The following DENND5B variants were observed in gnomAD, a reference collection of about 807,000 sequenced individuals.
The protein encoded by DENND5B is DENN domain-containing protein 5B.
A neutral mutation model predicts 140.6 loss-of-function variants in DENND5B; 34 were observed. The observed-to-expected ratio is 0.24, with a 90% CI of 0.18 to 0.32. The LOEUF is 0.32. DENND5B is among the 10% of genes least tolerant of loss of function. The pLI is 1.00. For synonymous variants in DENND5B, 551 were observed against 562.1 expected (o/e 0.98, Z 0.28); for missense variants, 1,142 against 1,560.2 (o/e 0.73, Z 4.52).
intron 1 of DENND5B, among the ~76,000 whole-genome samples, chr12:31,544,008 A>G (rs1020940955): frequency 3.9e-5 from 6 of 152,170 alleles, no homozygotes; most frequent in African/African-American, 1.4e-4. Flanking sequence ...TACTAAAAAT[A>G]CAAAAACTAG....
chr12:31,487,703 AAAAC>A (rs772663164), intron 2 of DENND5B, among the ~76,000 whole-genome samples: 53 of 152,302 alleles, frequency 3.5e-4, no homozygotes, highest in Middle Eastern at 3.4e-3. Context: ...CTGTCTCAAA[AAAAC>A]AAACAAACAA....
At chr12:31,453,960 G>A (rs1424140398) in intron 4 of DENND5B, among the ~76,000 whole-genome samples, 1 of 151,896 alleles carries the variant, frequency 6.6e-6, no homozygotes, top group Non-Finnish European at 1.5e-5. Flanking sequence ...TGGCCAACAT[G>A]GTGAAACTCT....
chr12:31,483,851 TTTTC>T lies in DENND5B; in HGVS notation c.238-3600_238-3597del, dbSNP rs1946178992. On this transcript the variant is annotated intron_variant, in intron 2 of 20. Coordinates refer to ENST00000389082, the MANE Select transcript of DENND5B (RefSeq NM_144973.4). ...TAGACAAAAAAGCAAATTAGAGCAG[TTTTC>T]TTTTCTTTTCTTTTTTTTTTTTTTT... is the stretch of plus-strand genomic sequence containing the variant. Among the ~76,000 whole-genome samples, 3 of 149,124 alleles carry T rather than the reference TTTTC, an allele frequency of 2.0e-5. No individual in the cohort carries two copies. The East Asian group carries it at 5.8e-4, about 29-fold the overall frequency.
chr12:31,473,521 G>A lies in DENND5B; in HGVS notation c.904+6068C>T, dbSNP rs1027501375. Among the ~76,000 whole-genome samples, 7 of 152,044 alleles carry A rather than the reference G, an allele frequency of 4.6e-5. No homozygotes were observed. In the South Asian group the frequency reaches 6.2e-4, roughly 14 times the overall value. On this transcript the variant is annotated intron_variant, in intron 3 of 20. Coordinates refer to ENST00000389082, the MANE Select transcript of DENND5B (RefSeq NM_144973.4). ...GCCTGAGCTCACGCAGTGTAGAACCGAGAAGCTGGAGCACTGGTACAGACA... is the reference window on the plus strand; with the variant it reads ...GCCTGAGCTCACGCAGTGTAGAACCAAGAAGCTGGAGCACTGGTACAGACA...
At chr12:31,547,259 C>T (rs1354266567) in intron 1 of DENND5B, among the ~76,000 whole-genome samples, 1 of 152,202 alleles carries the variant, frequency 6.6e-6, no homozygotes, top group Non-Finnish European at 1.5e-5. Flanking sequence ...ACTCACTACC[C>T]AGCTTCAATA....
chr12:31,585,808 A>G (rs190371023), intron 1 of DENND5B, among the ~76,000 whole-genome samples: 1 of 152,238 alleles, frequency 6.6e-6, no homozygotes, highest in East Asian at 1.9e-4. Flanking sequence ...AGCTAAAAAT[A>G]GCTAGAGAGA....
chr12:31,387,600 G>A lies in DENND5B; in HGVS notation c.*3C>T. 6.2e-7 allele frequency: 1 copy of A among 1,611,690 alleles called. No individual in the cohort carries two copies. The highest frequency in any genetic ancestry group is 8.5e-7 in the Non-Finnish European group (1 of 1,178,192). Reference sequence around the variant, plus strand: ...TTGGACTGAGAGTTTCTAGCCAGTTGGGTTACACATCCACTCCTTTGATGA... The same window carrying A: ...TTGGACTGAGAGTTTCTAGCCAGTTAGGTTACACATCCACTCCTTTGATGA... On this transcript the variant is annotated 3_prime_UTR_variant, in exon 21 of 21. Transcript: ENST00000389082.
intron 1 of DENND5B, among the ~76,000 whole-genome samples, chr12:31,555,358 G>A (rs1373195194): frequency 6.6e-6 from 1 of 152,206 alleles, no homozygotes; most frequent in Admixed American, 6.5e-5. Context: ...AGCAGTGGCT[G>A]CAGAACAGCG....
At chr12:31,534,111 T>C (rs984537751) in intron 1 of DENND5B, among the ~76,000 whole-genome samples, 2 of 152,124 alleles carry the variant, frequency 1.3e-5, no homozygotes, top group Non-Finnish European at 2.9e-5. Context: ...ACATTTCTCT[T>C]GGATCAGCAC....
intron 1 of DENND5B, among the ~76,000 whole-genome samples, chr12:31,554,559 A>C (rs182194138): frequency 7.8e-4 from 119 of 152,210 alleles, no homozygotes; most frequent in Middle Eastern, 3.4e-3. Flanking sequence ...TGCTCTCTCG[A>C]GGAGTATCTT....
intron 4 of DENND5B, among the ~76,000 whole-genome samples, chr12:31,458,241 C>T (rs1400381286): frequency 6.6e-6 from 1 of 152,120 alleles, no homozygotes; most frequent in Non-Finnish European, 1.5e-5. Flanking sequence ...ATCAAGCTGC[C>T]ATTTAAAAAT....
Position 31,555,529 on chromosome 12 carries a change from C to T in DENND5B, c.127+35177G>A, listed in dbSNP as rs551375941. On this transcript the variant is annotated intron_variant, in intron 1 of 20. Transcript: ENST00000389082. ...GACCCACTTGAGGAGGCAGTCTGCC[C>T]GTTCTCAGATCTCAAGCTGCATGCT... 4.2e-3 allele frequency among the ~76,000 whole-genome samples: 632 copies of T among 152,104 alleles called. 5 individuals carry two copies. Among genetic ancestry groups the T allele is most frequent in the African/African-American group, 0.014 (576 of 41,444 alleles).
At chr12:31,541,760 C>T (rs1015434352) in intron 1 of DENND5B, among the ~76,000 whole-genome samples, 2 of 152,160 alleles carry the variant, frequency 1.3e-5, no homozygotes, top group Admixed American at 6.5e-5. Flanking sequence ...ACGTTTATTA[C>T]AGCACTATTC....
At chr12:31,570,105 G>GA (rs929700041) in intron 1 of DENND5B, among the ~76,000 whole-genome samples, 27 of 150,496 alleles carry the variant, frequency 1.8e-4, no homozygotes, top group Middle Eastern at 3.5e-3. Context: ...TGAGGCAGGA[G>GA]AATCACTGGA....
rs774479195 is a variant in DENND5B at position 31,398,264 on chromosome 12, A to G, written c.3167T>C (p.Leu1056Pro). The G allele has an allele frequency of 1.2e-5, 19 of 1,584,298 alleles. No homozygotes were observed. The Admixed American group carries it at 3.1e-4, about 26-fold the overall frequency. Residue 1056 changes from leucine (L) to proline (P), a missense_variant, in exon 17 of 21, where the codon CTA (leucine) becomes CCA (proline). By Grantham distance (98) the Leu-to-Pro change is moderately conservative. Around this residue, in one of 5 missense-constraint regions of DENND5B, gnomAD observed 268 missense variants for 349.2 expected, o/e 0.77. Coordinates refer to ENST00000389082, the MANE Select transcript of DENND5B (RefSeq NM_144973.4). ...ELMTSASDED[L>P]VKQCRTPPQQ... ...GGGTGGAGTCCGACACTGCTTTACT[A>G]GATCTTCATCTGATGCTGATGTCAT...
At chr12:31,407,490 T>C (rs1179030294) in intron 14 of DENND5B, among the ~76,000 whole-genome samples, 2 of 152,226 alleles carry the variant, frequency 1.3e-5, no homozygotes, top group Non-Finnish European at 2.9e-5. Context: ...AATCAACGAA[T>C]AGTAACTTGA....
intron 2 of DENND5B, 143 bp downstream of exon 2, chr12:31,495,667 C>T (rs879902027): frequency 2.7e-5 from 19 of 708,314 alleles, no homozygotes; most frequent in Non-Finnish European, 3.7e-5. Context: ...TGAGCCACCA[C>T]ACCCGGCCTC....
At chr12:31,588,642 T>C (rs1187693109) in intron 1 of DENND5B, among the ~76,000 whole-genome samples, 1 of 152,230 alleles carries the variant, frequency 6.6e-6, no homozygotes, top group Non-Finnish European at 1.5e-5. Flanking sequence ...TGCTACAACA[T>C]TTTATTATAA....
chr12:31,422,354 C>T (rs1255018812), intron 11 of DENND5B, among the ~76,000 whole-genome samples: 2 of 151,448 alleles, frequency 1.3e-5, no homozygotes, highest in African/African-American at 2.4e-5. Flanking sequence ...GGCATGAACC[C>T]GGGAGGTGGA....
Sources: gnomAD v4.1 joint callset for allele counts (sites outside exome capture counted in the v4.1 genomes callset) on GRCh38, gnomAD v4.1.1 for gene constraint, gnomAD v4.1.1 regional missense constraint, MANE v1.5 for transcripts, NCBI Gene and HGNC (gene_info 2026-07-23, HGNC 2026-07-21) for gene names.